Variants in NISCH observed in about 807,000 individuals in gnomAD.
NISCH encodes nischarin, also known as I-1 receptor candidate protein.
A neutral mutation model predicts 138.4 loss-of-function variants in NISCH; 55 were observed. The observed-to-expected ratio is 0.40, with a 90% CI of 0.32 to 0.50. The LOEUF (loss-of-function observed/expected upper bound fraction) is 0.50. NISCH is among the 20% of genes least tolerant of loss of function. The probability of loss-of-function intolerance (pLI) is 0.71; values close to 1 mark genes in which losing one functional copy is unlikely to be tolerated. For synonymous variants in NISCH, 860 were observed against 861.5 expected (o/e 1.00, Z 0.03); for missense variants, 1,643 against 2,005.5 (o/e 0.82, Z 3.45).
chr3:52,481,985 G>A (rs986389981), intron 13 of NISCH: 4 of 918,166 alleles, frequency 4.4e-6, no homozygotes, highest in Non-Finnish European at 5.2e-6. Context: ...TGATGTCTCC[G>A]CTCTATCCGC....
Position 52,490,764 on chromosome 3 carries a change from T to C in NISCH, c.3673T>C (p.Phe1225Leu), listed in dbSNP as rs769273229. The C allele has an allele frequency of 1.2e-6, 2 of 1,614,200 alleles. No homozygotes were observed. Among genetic ancestry groups the C allele is most frequent in the Non-Finnish European group, 8.5e-7 (1 of 1,180,030 alleles). Residue 1225 changes from phenylalanine to leucine, a missense_variant, in exon 19 of 21, where the codon TTC becomes CTC. Transcript: ENST00000345716. ...NNSPFHISQC[F>L]VLKLSDLQSV... is the part of the protein sequence containing the mutation. ...CAGCCCTTTCCACATCTCCCAGTGC[T>C]TCGTGCTAAAGCTTAGTGACCTGCA...
Position 52,487,527 on chromosome 3 carries a change from G to C in NISCH, c.2035G>C (p.Glu679Gln), listed in dbSNP as rs1381157185. 3 of 1,607,308 alleles carry C rather than the reference G, an allele frequency of 1.9e-6. No homozygotes were observed. In the South Asian group the frequency reaches 3.3e-5, roughly 18 times the overall value. The change falls in exon 16 of 21, where the codon GAG (glutamate) becomes CAG (glutamine). Residue 679 changes from glutamate (E) to glutamine (Q), a missense_variant. Glu to Gln is a conservative substitution (Grantham distance 29). Transcript: ENST00000345716. This position sits in a 1 kb window ranked among gnomAD's most constrained non-coding sequence, Gnocchi z 9.1. ...GQGEEEEEEE[E>Q]DEEAEEERLA... The stretch of plus-strand genomic sequence containing the variant: ...GGGGGAGGAAGAGGAGGAGGAAGAG[G>C]AGGATGAAGAGGCCGAGGAGGAGCG...
chr3:52,490,793 A>G lies in NISCH; in HGVS notation c.3702A>G (p.Ser1234=). Reference sequence around the variant, plus strand: ...TGCTAAAGCTTAGTGACCTGCAGTCAGTCAATGTGGGGCTTTTCGACCAGC... The same window carrying G: ...TGCTAAAGCTTAGTGACCTGCAGTCGGTCAATGTGGGGCTTTTCGACCAGC... The part of the protein sequence containing the change: ...CFVLKLSDLQ[S]VNVGLFDQHF... Residue 1234 remains serine (S), a synonymous_variant, in exon 19 of 21, where the codon TCA becomes TCG. Transcript: ENST00000345716. 6.2e-7 allele frequency: 1 copy of G among 1,614,220 alleles called. No homozygotes were observed. Among genetic ancestry groups the G allele is most frequent in the South Asian group, 1.1e-5 (1 of 91,088 alleles).
At position 52,488,255 on chromosome 3, in the gene NISCH, G is replaced by A; in HGVS notation, c.2763G>A (p.Lys921=). 1 of 1,610,814 alleles carries A rather than the reference G, an allele frequency of 6.2e-7. No homozygotes were observed. The highest frequency in any genetic ancestry group is 8.5e-7 in the Non-Finnish European group (1 of 1,179,988). ...LLTPQHLNVI[K]ADFNPMPNRG... is the part of the protein sequence containing the mutation. The stretch of plus-strand genomic sequence containing the variant: ...CGCCCCAGCACCTCAACGTCATCAA[G>A]GCCGACTTCAACCCCATGCCCAACC... The change falls in exon 16 of 21, where the codon AAG becomes AAA. Residue 921 remains lysine, a synonymous_variant. Coordinates refer to ENST00000345716, the MANE Select transcript of NISCH (RefSeq NM_007184.4).
At position 52,490,697 on chromosome 3, in the gene NISCH, TCA is replaced by T. The variant is rs754847392; in HGVS notation, c.3614-3_3614-2del. The stretch of plus-strand genomic sequence containing the variant: ...CCGCCTCCCTCTGTCCCTTTCTCCA[TCA>T]CACAGATTTCTGGCATCAGAAAAAC... On this transcript the variant is annotated splice_region_variant and splice_polypyrimidine_tract_variant and intron_variant, in intron 18 of 20. Coordinates refer to ENST00000345716, the MANE Select transcript of NISCH (RefSeq NM_007184.4). 3 of 1,614,136 alleles carry T rather than the reference TCA, an allele frequency of 1.9e-6. No individual in the cohort carries two copies. Among genetic ancestry groups the T allele is most frequent in the Non-Finnish European group, 1.7e-6 (2 of 1,180,012 alleles).
At chr3:52,458,922 C>A in intron 3 of NISCH, 78 bp downstream of exon 3, 1 of 1,343,024 alleles carries the variant, frequency 7.4e-7, no homozygotes, top group Non-Finnish European at 1.0e-6. Context: ...CAGGGGAGAC[C>A]TCAGCTTTGA....
chr3:52,484,922 A>T (rs1204011450), intron 14 of NISCH, among the ~76,000 whole-genome samples: 1 of 151,860 alleles, frequency 6.6e-6, no homozygotes, highest in Non-Finnish European at 1.5e-5. Context: ...CCAGGGCACG[A>T]GGGGGGCAGG....
chr3:52,481,844 G>A lies in NISCH; in HGVS notation c.1528+1549G>A, dbSNP rs140241772. The A allele has an allele frequency of 3.2e-4, 317 of 985,482 alleles. 2 individuals carry two copies. The African/African-American group carries it at 4.8e-3, about 15-fold the overall frequency. The allele number at this position is 985,482 out of a possible 1,614,324, so 61.0% of individuals were successfully genotyped here. The stretch of plus-strand genomic sequence containing the variant: ...GAGGGGCACTCTGCAGTCTGTCCCC[G>A]CCATCGCTGGACTTCTGGACATGGC... On this transcript the variant is annotated intron_variant, in intron 13 of 20. Coordinates refer to ENST00000345716, the MANE Select transcript of NISCH (RefSeq NM_007184.4).
chr3:52,487,304 G>C lies in NISCH; in HGVS notation c.1812G>C (p.Gln604His), dbSNP rs370944443. 2 of 1,614,196 alleles carry C rather than the reference G, an allele frequency of 1.2e-6. No individual in the cohort carries two copies. The highest frequency in any genetic ancestry group is 1.7e-6 in the Non-Finnish European group (2 of 1,180,046). The change falls in exon 16 of 21, where the codon CAG (glutamine) becomes CAC (histidine). Residue 604 changes from glutamine to histidine, a missense_variant. By Grantham distance (24) the Gln-to-His change is conservative. Transcript: ENST00000345716. This position sits in a 1 kb window ranked among gnomAD's most constrained non-coding sequence, Gnocchi z 9.1. ...CGGCCACCAATCAGGACTTCATCCAGCGCCTGAGCACACTGATCCGGCAGG... is the reference window on the plus strand; with the variant it reads ...CGGCCACCAATCAGGACTTCATCCACCGCCTGAGCACACTGATCCGGCAGG... ...GYTATNQDFI[Q>H]RLSTLIRQAI... is the part of the protein sequence containing the mutation.
intron 3 of NISCH, 67 bp downstream of exon 3, chr3:52,458,911 C>T (rs562322385): frequency 6.5e-6 from 9 of 1,391,484 alleles, no homozygotes; most frequent in Non-Finnish European, 6.9e-6. Flanking sequence ...AGGCAGCAAA[C>T]CAGGGGAGAC....
rs549514956 is a variant in NISCH at position 52,489,642 on chromosome 3, C to T, written c.3420C>T (p.Ser1140=). 27 of 1,612,800 alleles carry T rather than the reference C, an allele frequency of 1.7e-5. No individual in the cohort carries two copies. Among genetic ancestry groups the T allele is most frequent in the South Asian group, 6.6e-5 (6 of 91,044 alleles). The part of the protein sequence containing the change: ...SLRHVASLRG[S]AIIELFHSSI... Reference sequence around the variant, plus strand: ...GGCACGTCGCCAGCCTGCGGGGCAGCGCCATCATCGAGCTCTTCCACAGCA... The same window carrying T: ...GGCACGTCGCCAGCCTGCGGGGCAGTGCCATCATCGAGCTCTTCCACAGCA... Residue 1140 remains serine (S), a synonymous_variant, in exon 17 of 21, where the codon AGC becomes AGT. Transcript: ENST00000345716.
At chr3:52,468,998 G>A (rs766440896) in intron 3 of NISCH, among the ~76,000 whole-genome samples, 6 of 152,146 alleles carry the variant, frequency 3.9e-5, no homozygotes, top group Non-Finnish European at 5.9e-5. Context: ...CAGACTGGGA[G>A]GAAATGTTTA....
intron 16 of NISCH, 125 bp downstream of exon 16, chr3:52,488,730 CT>C (rs1486788473): frequency 2.5e-6 from 2 of 808,898 alleles, no homozygotes; most frequent in Admixed American, 2.8e-5. Flanking sequence ...CCCCCTGCCC[CT>C]CGCCCCCCCC....
At position 52,492,037 on chromosome 3, in the gene NISCH, G is replaced by A; in HGVS notation, c.4070G>A (p.Gly1357Asp). ...ILLYVQAFQVGMPPPGCCRGP... is the reference protein window; with the variant it reads ...ILLYVQAFQVDMPPPGCCRGP... Reference sequence around the variant, plus strand: ...CTGTACGTGCAGGCCTTCCAGGTGGGCATGCCACCCCCTGGGTGCTGCAGG... The same window carrying A: ...CTGTACGTGCAGGCCTTCCAGGTGGACATGCCACCCCCTGGGTGCTGCAGG... The change falls in exon 21 of 21, where the codon GGC becomes GAC. Residue 1357 changes from glycine (G) to aspartate (D), a missense_variant. Coordinates refer to ENST00000345716, the MANE Select transcript of NISCH (RefSeq NM_007184.4). The A allele has an allele frequency of 1.2e-6, 2 of 1,613,110 alleles. No individual in the cohort carries two copies. The highest frequency in any genetic ancestry group is 1.7e-6 in the Non-Finnish European group (2 of 1,179,918).
Position 52,490,749 on chromosome 3 carries a change from C to G in NISCH, c.3658C>G (p.His1220Asp). The G allele has an allele frequency of 6.2e-7, 1 of 1,614,186 alleles. No homozygotes were observed. Among genetic ancestry groups the G allele is most frequent in the Non-Finnish European group, 8.5e-7 (1 of 1,180,016 alleles). Residue 1220 changes from histidine to aspartate, a missense_variant, in exon 19 of 21, where the codon CAC becomes GAC. His to Asp is a moderately conservative substitution (Grantham distance 81). Transcript: ENST00000345716. ...KNTDYNNSPF[H>D]ISQCFVLKLS... ...CACCGACTACAACAACAGCCCTTTC[C>G]ACATCTCCCAGTGCTTCGTGCTAAA...
intron 3 of NISCH, 143 bp from the exon 4 acceptor site, chr3:52,470,716 T>C: frequency 1.4e-6 from 1 of 722,546 alleles, no homozygotes. Flanking sequence ...CTTGCTTCAT[T>C]GTAGGTTTAT....
At chr3:52,466,121 C>T (rs899912182) in intron 3 of NISCH, among the ~76,000 whole-genome samples, 1 of 152,174 alleles carries the variant, frequency 6.6e-6, no homozygotes, top group Non-Finnish European at 1.5e-5. Flanking sequence ...CTGTGAATTA[C>T]AACAGATTTT....
At chr3:52,456,569 C>T (rs1167120334) in intron 1 of NISCH, among the ~76,000 whole-genome samples, 4 of 152,222 alleles carry the variant, frequency 2.6e-5, no homozygotes, top group African/African-American at 9.7e-5. Context: ...CTCCCTGCCT[C>T]CTCCCCTTTG....
chr3:52,488,934 C>CGAGGCCA (rs1707487863), intron 16 of NISCH, among the ~76,000 whole-genome samples: 2 of 152,214 alleles, frequency 1.3e-5, no homozygotes, highest in Non-Finnish European at 2.9e-5. Flanking sequence ...TGCAGCACAC[C>CGAGGCCA]GAGGCCAGGA....
Sources: gnomAD v4.1 joint callset for allele counts (sites outside exome capture counted in the v4.1 genomes callset) on GRCh38, gnomAD v4.1.1 for gene constraint, Gnocchi (gnomAD v3.1) non-coding constraint, MANE v1.5 for transcripts, NCBI Gene and HGNC (gene_info 2026-07-23, HGNC 2026-07-21) for gene names.